The following HELB variants were observed in gnomAD, a reference collection of about 807,000 sequenced individuals.
HELB encodes DNA 5'-3' helicase B.
Under a neutral mutation model 101.7 loss-of-function variants are expected in HELB, and 96 were observed. The ratio of observed to expected loss-of-function variants is 0.94; its 90% CI spans 0.80 to 1.12. The LOEUF (loss-of-function observed/expected upper bound fraction) is 1.12, where lower values mean the gene tolerates loss of function less well. Ranked by LOEUF, HELB falls within the 50% of genes most tolerant of loss-of-function variation. HELB has a pLI of 0.00. For synonymous variants in HELB, 437 were observed against 459.7 expected, an observed-to-expected ratio of 0.95 and a Z score of 0.63; for missense variants, 1,210 against 1,291.9, an observed-to-expected ratio of 0.94 and a Z score of 0.97.
At chr12:66,309,499 T>C (rs2053514693) in intron 3 of HELB, among the ~76,000 whole-genome samples, 1 of 152,114 alleles carries the variant, frequency 6.6e-6, no homozygotes, top group Admixed American at 6.5e-5. Flanking sequence ...AACTGTGTGT[T>C]AGTGTGATAA....
chr12:66,334,458 T>C, intron 12 of HELB, among the ~76,000 whole-genome samples: 1 of 124,810 alleles, frequency 8.0e-6, no homozygotes, highest in African/African-American at 3.1e-5. Context: ...CAAAACCCTG[T>C]CTCAAAAAAA....
At chr12:66,310,699 G>T in intron 4 of HELB, 91 bp downstream of exon 4, 1 of 1,138,192 alleles carries the variant, frequency 8.8e-7, no homozygotes, top group Non-Finnish European at 1.3e-6. Context: ...TTGGGAGACT[G>T]AGGCGGGCAG....
In HELB at chr12:66,331,389, G is replaced by C. The variant is rs747474183; in HGVS notation, c.2906G>C (p.Arg969Pro). The part of the protein sequence containing the change: ...GAPPADFPSP[R>P]KSSGDSGGPS... ...CCTCCAGCAGATTTTCCGTCCCCAC[G>C]GAAGAGCTCTGGAGACAGTGGAGGA... The change falls in exon 12 of 13, where the codon CGG (arginine) becomes CCG (proline). Residue 969 changes from arginine to proline, a missense_variant. Physicochemically the swap from Arg to Pro is moderately radical, Grantham distance 103. Around this residue, in one of 2 missense-constraint regions of HELB, gnomAD observed 740 missense variants for 728.8 expected, o/e 1.02. Transcript: ENST00000247815. 5 of 1,614,198 alleles carry C rather than the reference G, an allele frequency of 3.1e-6. No individual in the cohort carries two copies. The South Asian group carries it at 5.5e-5, about 18-fold the overall frequency.
chr12:66,342,957 A>G (rs1243642269), downstream of HELB: 1 of 152,178 alleles, frequency 6.6e-6, no homozygotes, highest in Admixed American at 6.5e-5. Flanking sequence ...TGGCCTCCCA[A>G]AGTGCTGGCA....
downstream of HELB, chr12:66,342,314 A>G (rs1243072869): frequency 1.3e-5 from 2 of 151,792 alleles, no homozygotes; most frequent in Non-Finnish European, 2.9e-5. Flanking sequence ...AGTTGACTGT[A>G]AATGTGAGGG....
chr12:66,336,211 T>C (rs61178860), intron 12 of HELB, among the ~76,000 whole-genome samples: 4,543 of 152,280 alleles, frequency 0.03, 242 homozygotes, highest in African/African-American at 0.1. Context: ...CTAGTGCCCC[T>C]CCTTTAGTTT....
intron 1 of HELB, 115 bp from the exon 2 acceptor site, chr12:66,304,616 A>T: frequency 2.2e-6 from 2 of 921,530 alleles, no homozygotes; most frequent in Non-Finnish European, 3.2e-6. Flanking sequence ...AGACATCTTT[A>T]GAGAGTGCTG....
At chr12:66,335,677 A>G (rs1353224305) in intron 12 of HELB, among the ~76,000 whole-genome samples, 1 of 152,166 alleles carries the variant, frequency 6.6e-6, no homozygotes, top group Non-Finnish European at 1.5e-5. Flanking sequence ...AGAGAGGATA[A>G]TTGCAGAATT....
chr12:66,322,813 AG>A (rs1341079566), intron 9 of HELB, 30 bp downstream of exon 9: 1 of 1,479,002 alleles, frequency 6.8e-7, no homozygotes, highest in East Asian at 2.3e-5. Context: ...GAAACTTTTA[AG>A]GACAGTCCTT....
At chr12:66,303,107 T>TTTTTA (rs898915603) in intron 1 of HELB, among the ~76,000 whole-genome samples, 1 of 127,570 alleles carries the variant, frequency 7.8e-6, no homozygotes, top group Admixed American at 7.8e-5. Context: ...TTTTTTTTTT[T>TTTTTA]AAAATTATTC....
At chr12:66,331,894 G>A (rs994751617) in intron 12 of HELB, among the ~76,000 whole-genome samples, 1 of 151,928 alleles carries the variant, frequency 6.6e-6, no homozygotes, top group African/African-American at 2.4e-5. Context: ...TTTCCTTTGA[G>A]AACTGACTCA....
chr12:66,325,865 C>T lies in HELB; in HGVS notation c.2670+739C>T, dbSNP rs185651903. 2.2e-4 allele frequency among the ~76,000 whole-genome samples: 34 copies of T among 151,998 alleles called. No homozygotes were observed. In the East Asian group the frequency reaches 6.6e-3, roughly 29 times the overall value. On this transcript the variant is annotated intron_variant, in intron 11 of 12. Coordinates refer to ENST00000247815, the MANE Select transcript of HELB (RefSeq NM_001370285.1). ...ATCTTTGTGAGGCAACCTTTTATCCCCCCGCCCCCAACTTATGTGGGAATA... is the reference window on the plus strand; with the variant it reads ...ATCTTTGTGAGGCAACCTTTTATCCTCCCGCCCCCAACTTATGTGGGAATA...
At chr12:66,304,083 T>C (rs913666857) in intron 1 of HELB, among the ~76,000 whole-genome samples, 1 of 152,248 alleles carries the variant, frequency 6.6e-6, no homozygotes, top group Non-Finnish European at 1.5e-5. Flanking sequence ...TTCTAAAGTA[T>C]CATCAACTGG....
rs749433415 is a variant in HELB, at chr12:66,310,304, TG to T, written c.1378del (p.Ala460LeufsTer5). The T allele has an allele frequency of 2.1e-4, 341 of 1,614,158 alleles. No homozygotes were observed. Among genetic ancestry groups the T allele is most frequent in the Non-Finnish European group, 2.7e-4 (318 of 1,180,028 alleles). ...QVEVPLDRDQ[V>X]AALEMICSNP... The stretch of plus-strand genomic sequence containing the variant: ...GAAGTTCCACTGGATCGGGATCAGG[TG>T]GCTGCTTTGGAAATGATTTGCTCCA... On this transcript the variant is annotated frameshift_variant, in exon 4 of 13. Coordinates refer to ENST00000247815, the MANE Select transcript of HELB (RefSeq NM_001370285.1). LOFTEE classifies it high-confidence loss of function.
In HELB at chr12:66,314,065, T is replaced by A. The variant is rs1443735354; in HGVS notation, c.1760T>A (p.Leu587Gln). The A allele has an allele frequency of 6.2e-7, 1 of 1,613,920 alleles. No homozygotes were observed. The highest frequency in any genetic ancestry group is 1.3e-5 in the African/African-American group (1 of 75,048). ...TGGAAATTTTCTTCGGTTAGAGTTC[T>A]GGTTGTGGATGAAGGGAGTTTGGTA... is the stretch of plus-strand genomic sequence containing the variant. ...KPWKFSSVRV[L>Q]VVDEGSLVSV... is the part of the protein sequence containing the mutation. The change falls in exon 5 of 13, where the codon CTG (leucine) becomes CAG (glutamine). Residue 587 changes from leucine to glutamine, a missense_variant. Physicochemically the swap from Leu to Gln is moderately radical, Grantham distance 113. Around this residue, in one of 2 missense-constraint regions of HELB, gnomAD observed 740 missense variants for 728.8 expected, o/e 1.02. Coordinates refer to ENST00000247815, the MANE Select transcript of HELB (RefSeq NM_001370285.1).
At chr12:66,305,208 T>G (rs1411779323) in intron 2 of HELB, 58 bp downstream of exon 2, 5 of 1,004,638 alleles carry the variant, frequency 5.0e-6, no homozygotes, top group Admixed American at 2.4e-5. Context: ...ATAACTACAG[T>G]GTTTAAAATG....
At chr12:66,303,412 C>T (rs1220616784) in intron 1 of HELB, among the ~76,000 whole-genome samples, 12 of 151,712 alleles carry the variant, frequency 7.9e-5, no homozygotes, top group African/African-American at 2.4e-4. Context: ...GTCAGGAGTT[C>T]GAGACCAGCC....
Position 66,310,239 on chromosome 12 carries a change from T to A in HELB, c.1311T>A (p.Asn437Lys). The A allele has an allele frequency of 6.2e-7, 1 of 1,614,136 alleles. No homozygotes were observed. Among genetic ancestry groups the A allele is most frequent in the Non-Finnish European group, 8.5e-7 (1 of 1,180,028 alleles). The change falls in exon 4 of 13, where the codon AAT becomes AAA. Residue 437 changes from asparagine to lysine, a missense_variant. Physicochemically the swap from Asn to Lys is moderately conservative, Grantham distance 94. Around this residue, in one of 2 missense-constraint regions of HELB, gnomAD observed 470 missense variants for 563.1 expected, o/e 0.83. Coordinates refer to ENST00000247815, the MANE Select transcript of HELB (RefSeq NM_001370285.1). ...GGACTAATGGTGAAAATGAAATTAATGCAGAAATAAGTGAAGTTCAGCTGG... is the reference window on the plus strand; with the variant it reads ...GGACTAATGGTGAAAATGAAATTAAAGCAGAAATAAGTGAAGTTCAGCTGG... ...HIWTNGENEI[N>K]AEISEVQLDQ...
chr12:66,335,847 A>G (rs541291239), intron 12 of HELB, among the ~76,000 whole-genome samples: 2 of 152,292 alleles, frequency 1.3e-5, no homozygotes, highest in South Asian at 4.2e-4. Flanking sequence ...AGCAGTTCCA[A>G]GCTGATCACC....
Sources: allele counts gnomAD v4.1 joint callset (sites outside exome capture counted in the v4.1 genomes callset), GRCh38; gene constraint gnomAD v4.1.1; regional missense constraint gnomAD v4.1.1; transcripts MANE v1.5; gene names NCBI Gene and HGNC (gene_info 2026-07-23, HGNC 2026-07-21).